The following FAM186A variants were observed in gnomAD, a reference collection of about 807,000 sequenced individuals.
The protein encoded by FAM186A is family with sequence similarity 186 member A, also known as protein FAM186A.
A neutral mutation model predicts 216.8 loss-of-function variants in FAM186A; 163 were observed. That is an observed-to-expected ratio of 0.75 (90% CI 0.66 to 0.86). The LOEUF (loss-of-function observed/expected upper bound fraction) is 0.86, where lower values mean the gene tolerates loss of function less well. Ranked by LOEUF, FAM186A falls within the 40% of genes least tolerant of loss-of-function variation. The probability of loss-of-function intolerance (pLI) is 0.00; values close to 1 mark genes in which losing one functional copy is unlikely to be tolerated. For synonymous variants in FAM186A, 805 were observed against 1,025.3 expected (o/e 0.79, Z 4.10); for missense variants, 2,184 against 2,746.2 (o/e 0.80, Z 4.58).
chr12:50,354,473 C>T lies in FAM186A; in HGVS notation c.2359G>A (p.Val787Ile), dbSNP rs1354962562. 1 of 1,551,568 alleles carries T rather than the reference C, an allele frequency of 6.4e-7. No individual in the cohort carries two copies. Residue 787 changes from valine (V) to isoleucine (I), a missense_variant, in exon 4 of 8, where the codon GTA becomes ATA. This residue lies in a region of FAM186A where 1,132 missense variants were observed against 1,263.4 expected (regional missense o/e 0.90). Transcript: ENST00000327337. ...ATCATTTGTATTAAATTGTTAATTA[C>T]TGGATCTGTGCTCTCATATGAGAGG... ...TLLSYESTDPVINNLIQMILA... is the reference protein window; with the variant it reads ...TLLSYESTDPIINNLIQMILA...
At chr12:50,380,433 T>G (rs975896694) in intron 1 of FAM186A, among the ~76,000 whole-genome samples, 6 of 149,018 alleles carry the variant, frequency 4.0e-5, no homozygotes, top group Non-Finnish European at 8.9e-5. Flanking sequence ...CCCTGCACTT[T>G]GGGAGACTGA....
At chr12:50,382,363 A>G (rs1364010187) in intron 1 of FAM186A, among the ~76,000 whole-genome samples, 1 of 152,030 alleles carries the variant, frequency 6.6e-6, no homozygotes, top group Non-Finnish European at 1.5e-5. Flanking sequence ...TCTAGGGGGA[A>G]TAGCATGTCA....
chr12:50,347,662 G>GA, intron 4 of FAM186A, among the ~76,000 whole-genome samples: 1 of 140,840 alleles, frequency 7.1e-6, no homozygotes, highest in Non-Finnish European at 1.5e-5. Flanking sequence ...GGAGGCAAAA[G>GA]AGGGAGACTC....
At position 50,340,155 on chromosome 12, in the gene FAM186A, C is replaced by T. The variant is rs17124613; in HGVS notation, c.6504-6052G>A. 7.9e-3 allele frequency among the ~76,000 whole-genome samples: 1,207 copies of T among 152,212 alleles called. 15 individuals carry two copies. The highest frequency in any genetic ancestry group is 0.028 in the African/African-American group (1,154 of 41,546). On this transcript the variant is annotated intron_variant, in intron 4 of 7. Transcript: ENST00000327337. ...GCCCTGCCTGTCTTACTGACTTTTACTGGTTCTTTGAGGCACAGTTCAGAG... is the reference window on the plus strand; with the variant it reads ...GCCCTGCCTGTCTTACTGACTTTTATTGGTTCTTTGAGGCACAGTTCAGAG...
chr12:50,365,674 C>G (rs1163895928), intron 1 of FAM186A: 1 of 715,844 alleles, frequency 1.4e-6, no homozygotes, highest in Non-Finnish European at 2.6e-6. Context: ...CCCTTTGTGA[C>G]TTCCGACTGA....
At chr12:50,349,390 T>G (rs992588287) in intron 4 of FAM186A, among the ~76,000 whole-genome samples, 8 of 152,096 alleles carry the variant, frequency 5.3e-5, no homozygotes, top group Admixed American at 1.3e-4. Context: ...GGTCTCAATT[T>G]GTTGTCCAGG....
intron 1 of FAM186A, among the ~76,000 whole-genome samples, chr12:50,388,757 T>C (rs1237406402): frequency 1.3e-5 from 2 of 152,046 alleles, no homozygotes; most frequent in African/African-American, 4.8e-5. Context: ...AAAATTAATT[T>C]CTTAAAATAC....
chr12:50,354,135 C>T lies in FAM186A; in HGVS notation c.2697G>A (p.Lys899=). 6.4e-7 allele frequency: 1 copy of T among 1,551,732 alleles called. No homozygotes were observed. The highest frequency in any genetic ancestry group is 8.7e-7 in the Non-Finnish European group (1 of 1,146,992). The change falls in exon 4 of 8, where the codon AAG becomes AAA. Residue 899 remains lysine, a synonymous_variant. Transcript: ENST00000327337. ...TTTGCTTTTCCTCTTGCTCAGCCTG[C>T]TTTGGAGTTGCCTGTTTTTGCTCTT... ...WKEEQKQATP[K]QAEQEEKQKQ...
intron 1 of FAM186A, among the ~76,000 whole-genome samples, chr12:50,388,442 AC>A (rs759618643): frequency 9.0e-4 from 136 of 151,290 alleles, no homozygotes; most frequent in African/African-American, 3.0e-3. Flanking sequence ...ACACAGTGAA[AC>A]CCCCCTCTCT....
intron 4 of FAM186A, among the ~76,000 whole-genome samples, 152 bp from the exon 5 acceptor site, chr12:50,334,255 T>C (rs988424283): frequency 1.3e-5 from 2 of 151,386 alleles, no homozygotes; most frequent in African/African-American, 4.9e-5. Context: ...TATTGCAACC[T>C]CCACCTCCTG....
chr12:50,383,070 C>G (rs1377000823), intron 1 of FAM186A, among the ~76,000 whole-genome samples: 1 of 149,040 alleles, frequency 6.7e-6, no homozygotes, highest in East Asian at 2.0e-4. Flanking sequence ...ACAAAAAGAA[C>G]AACAACAACA....
intron 3 of FAM186A, among the ~76,000 whole-genome samples, chr12:50,360,459 T>G (rs1592616816): frequency 6.7e-6 from 1 of 148,568 alleles, no homozygotes. Flanking sequence ...CCGAGGCAGG[T>G]GGATAACTTG....
intron 1 of FAM186A, among the ~76,000 whole-genome samples, chr12:50,389,102 A>T (rs1188904085): frequency 6.6e-6 from 1 of 152,128 alleles, no homozygotes; most frequent in Admixed American, 6.6e-5. Context: ...GTGATGGCTC[A>T]TGCCTGTAAT....
At chr12:50,363,031 C>G in intron 2 of FAM186A, 114 bp downstream of exon 2, 1 of 869,442 alleles carries the variant, frequency 1.2e-6, no homozygotes, top group Non-Finnish European at 1.7e-6. Flanking sequence ...CTCTGAATAA[C>G]CTCCTTAGTC....
intron 1 of FAM186A, among the ~76,000 whole-genome samples, chr12:50,374,001 A>G (rs1943173843): frequency 6.6e-6 from 1 of 151,940 alleles, no homozygotes; most frequent in Admixed American, 6.6e-5. Flanking sequence ...GTCCTTTATA[A>G]GGACATGGAT....
chr12:50,394,732 C>T (rs1318496738), intron 1 of FAM186A, among the ~76,000 whole-genome samples: 13 of 29,402 alleles, frequency 4.4e-4, no homozygotes, highest in East Asian at 3.9e-3. Context: ...GGCTAACACT[C>T]TTTTTTTTTT....
intron 1 of FAM186A, among the ~76,000 whole-genome samples, chr12:50,394,914 G>C (rs10876031): frequency 1.3e-5 from 2 of 151,364 alleles, no homozygotes; most frequent in Non-Finnish European, 2.9e-5. Context: ...ATTTTTTCTA[G>C]AGACAGGGTC....
chr12:50,367,655 A>G (rs1943103037), intron 1 of FAM186A, among the ~76,000 whole-genome samples: 1 of 151,154 alleles, frequency 6.6e-6, no homozygotes, highest in South Asian at 2.1e-4. Context: ...ATATGTAGAA[A>G]GCCCTAAGGA....
rs1555218962 is a variant in FAM186A at position 50,383,278 on chromosome 12, A to AAAAAAAAAG, written c.192+13014_192+13015insCTTTTTTTT. On this transcript the variant is annotated intron_variant, in intron 1 of 7. Coordinates refer to ENST00000327337, the MANE Select transcript of FAM186A (RefSeq NM_001145475.3). ...AAAAAAAAAAAAAAAAAAAAAAAAA[A>AAAAAAAAAG]AGAGAGAGAGAGAGAGAAAGAAAAG... Among the ~76,000 whole-genome samples the AAAAAAAAAG allele has an allele frequency of 4.7e-3, 230 of 49,176 alleles. 7 individuals are homozygous for AAAAAAAAAG. The highest frequency in any genetic ancestry group is 0.01 in the African/African-American group (191 of 18,998). 32.3% of individuals were successfully genotyped at this position (49,176 alleles called of 152,430 possible).
Sources: allele counts gnomAD v4.1 joint callset (sites outside exome capture counted in the v4.1 genomes callset), GRCh38; gene constraint gnomAD v4.1.1; regional missense constraint gnomAD v4.1.1; transcripts MANE v1.5; gene names NCBI Gene and HGNC (gene_info 2026-07-23, HGNC 2026-07-21).